CLUL1: variants seen among roughly 807,000 people sequenced by gnomAD.
CLUL1 encodes the protein clusterin like 1.
Under a neutral mutation model 49.4 loss-of-function variants are expected in CLUL1, and 43 were observed. The ratio of observed to expected loss-of-function variants is 0.87; its 90% CI spans 0.68 to 1.12. The LOEUF (loss-of-function observed/expected upper bound fraction) is 1.12. CLUL1 is among the 50% of genes most tolerant of loss of function. The pLI is 0.00. For synonymous variants in CLUL1, 192 were observed against 184.9 expected, an observed-to-expected ratio of 1.04 and a Z score of -0.31; for missense variants, 486 against 544.4, an observed-to-expected ratio of 0.89 and a Z score of 1.07.
At chr18:628,797 A>T (rs2073894756) in intron 6 of CLUL1, among the ~76,000 whole-genome samples, 2 of 151,336 alleles carry the variant, frequency 1.3e-5, no homozygotes, top group South Asian at 4.2e-4. Flanking sequence ...ACGCCTGGCT[A>T]ATTTTTGTAT....
At chr18:615,495 A>C (rs2073261024) in intron 2 of CLUL1, among the ~76,000 whole-genome samples, 1 of 152,174 alleles carries the variant, frequency 6.6e-6, no homozygotes. Flanking sequence ...TTGATGTCAA[A>C]CGGGCCCAAA....
At chr18:607,151 A>G (rs2072996704) in intron 2 of CLUL1, 52 bp downstream of exon 2, 2 of 700,336 alleles carry the variant, frequency 2.9e-6, no homozygotes, top group African/African-American at 3.5e-5. Context: ...ATTTAGAGAC[A>G]GAGTCTAGCT....
At chr18:628,368 G>A in intron 6 of CLUL1, among the ~76,000 whole-genome samples, 1 of 152,162 alleles carries the variant, frequency 6.6e-6, no homozygotes, top group Non-Finnish European at 1.5e-5. Flanking sequence ...TATTAGATAA[G>A]AATTGCCTTC....
intron 2 of CLUL1, chr18:613,320 G>C (rs898395871): frequency 1.2e-5 from 4 of 340,430 alleles, no homozygotes; most frequent in African/African-American, 8.6e-5. Flanking sequence ...TGTATTTTTA[G>C]TAAAGATGGG....
intron 7 of CLUL1, among the ~76,000 whole-genome samples, chr18:637,684 C>T (rs1237097787): frequency 6.6e-6 from 1 of 152,104 alleles, no homozygotes; most frequent in Non-Finnish European, 1.5e-5. Flanking sequence ...TGAGAGTGCT[C>T]TTTCTCCTGG....
At chr18:623,395 A>C (rs2144032686) in intron 4 of CLUL1, among the ~76,000 whole-genome samples, 1 of 152,280 alleles carries the variant, frequency 6.6e-6, no homozygotes, top group East Asian at 1.9e-4. Context: ...CTGCAATCCC[A>C]GCACTTTGGG....
intron 9 of CLUL1, among the ~76,000 whole-genome samples, chr18:646,812 C>T (rs1286072506): frequency 3.3e-5 from 5 of 151,202 alleles, no homozygotes; most frequent in South Asian, 2.1e-4. Context: ...TACAGTGGCA[C>T]GATCTCGGCT....
intron 5 of CLUL1, among the ~76,000 whole-genome samples, chr18:625,474 T>C (rs2073655100): frequency 6.6e-6 from 1 of 151,688 alleles, no homozygotes; most frequent in African/African-American, 2.4e-5. Context: ...AGATACTCTC[T>C]GCCTCCCAAA....
intron 7 of CLUL1, among the ~76,000 whole-genome samples, chr18:636,429 C>G (rs1342372202): frequency 2.7e-5 from 4 of 149,152 alleles, no homozygotes; most frequent in African/African-American, 5.0e-5. Context: ...TATGAAATGT[C>G]TTTCCATTGT....
Position 606,487 on chromosome 18 carries a change from A to G in CLUL1, c.-135-491A>G, listed in dbSNP as rs1198088842. 6.6e-6 allele frequency among the ~76,000 whole-genome samples: 1 copy of G among 152,168 alleles called. No individual in the cohort carries two copies. Among genetic ancestry groups the G allele is most frequent in the African/African-American group, 2.4e-5 (1 of 41,448 alleles). On this transcript the variant is annotated intron_variant, in intron 1 of 9. Coordinates refer to ENST00000692774, the MANE Select transcript of CLUL1 (RefSeq NM_001393344.1). The surrounding 1 kb of genome is among the most constrained non-coding windows in gnomAD (Gnocchi z 4.1). ...TTCTTTCTTCATGACATTTCTTTGC[A>G]AAGTCCCGGAACCCACAGCTCTGAG...
chr18:618,036 G>C lies in CLUL1; in HGVS notation c.36G>C (p.Leu12=), dbSNP rs35437309. ...CACTCTTGGTGTTTATTGTGTGTCTGCTGTGGTTGAAAGACAGTCACTGCG... is the reference window on the plus strand; with the variant it reads ...CACTCTTGGTGTTTATTGTGTGTCTCCTGTGGTTGAAAGACAGTCACTGCG... The part of the protein sequence containing the change: ...KPPLLVFIVC[L]LWLKDSHCAP... The change falls in exon 3 of 10, where the codon CTG becomes CTC. Residue 12 remains leucine (L), a synonymous_variant. Coordinates refer to ENST00000692774, the MANE Select transcript of CLUL1 (RefSeq NM_001393344.1). This position sits in a 1 kb window ranked among gnomAD's most constrained non-coding sequence, Gnocchi z 4.2. 1 of 1,614,170 alleles carries C rather than the reference G, an allele frequency of 6.2e-7. No individual in the cohort carries two copies. The highest frequency in any genetic ancestry group is 1.7e-5 in the Admixed American group (1 of 60,018).
At chr18:626,915 GAA>G (rs1233782381) in intron 5 of CLUL1, among the ~76,000 whole-genome samples, 180 bp from the exon 6 acceptor site, 65 of 996 alleles carry the variant, frequency 0.065, 9 homozygotes, top group Non-Finnish European at 0.22. Flanking sequence ...AAGAAAGAAA[GAA>G]AGAAAGAAAG....
intron 2 of CLUL1, chr18:612,715 G>A (rs1451611990): frequency 6.6e-6 from 1 of 152,180 alleles, no homozygotes; most frequent in African/African-American, 2.4e-5. Context: ...CATAACAGTT[G>A]TCATGCTTTT....
At chr18:603,514 C>T (rs796368394) in intron 1 of CLUL1, among the ~76,000 whole-genome samples, 2 of 152,212 alleles carry the variant, frequency 1.3e-5, no homozygotes, top group East Asian at 1.9e-4. Flanking sequence ...CAAAGAAATG[C>T]GTAGGGAAGA....
chr18:631,733 C>T (rs2073998754), intron 6 of CLUL1, among the ~76,000 whole-genome samples: 1 of 152,080 alleles, frequency 6.6e-6, no homozygotes, highest in African/African-American at 2.4e-5. Context: ...AATTACATCA[C>T]CATATTGTGG....
chr18:605,312 G>A (rs490341), intron 1 of CLUL1, among the ~76,000 whole-genome samples: 25,747 of 152,148 alleles, frequency 0.17, 2,278 homozygotes, highest in Middle Eastern at 0.3. Flanking sequence ...GGAACATTCT[G>A]TACAGTCACG....
At chr18:617,966 C>G in intron 2 of CLUL1, 22 bp from the exon 3 acceptor site, 1 of 1,591,290 alleles carries the variant, frequency 6.3e-7, no homozygotes, top group South Asian at 1.1e-5. Context: ...ACATTTGATG[C>G]GGGTTTATTT....
intron 5 of CLUL1, among the ~76,000 whole-genome samples, chr18:626,864 TAAGAAAGAA>T (rs2073737520): frequency 4.2e-5 from 3 of 70,798 alleles, no homozygotes; most frequent in Admixed American, 2.3e-4. Context: ...CCATCTCAAA[TAAGAAAGAA>T]AGAAAGAAAG....
At chr18:642,607 A>G (rs1037838615) in intron 8 of CLUL1, among the ~76,000 whole-genome samples, 2 of 152,148 alleles carry the variant, frequency 1.3e-5, no homozygotes, top group Admixed American at 1.3e-4. Flanking sequence ...GTGATTCCTG[A>G]TGAGGCTGGT....
Sources: gnomAD v4.1 joint callset for allele counts (sites outside exome capture counted in the v4.1 genomes callset) on GRCh38, gnomAD v4.1.1 for gene constraint, Gnocchi (gnomAD v3.1) non-coding constraint, MANE v1.5 for transcripts, NCBI Gene and HGNC (gene_info 2026-07-23, HGNC 2026-07-21) for gene names.